PDGFC: variants seen among roughly 807,000 people sequenced by gnomAD.
PDGFC encodes the protein platelet derived growth factor C.
A neutral mutation model predicts 35.5 loss-of-function variants in PDGFC; 12 were observed. The observed-to-expected ratio is 0.34, with a 90% CI of 0.22 to 0.55. The LOEUF is 0.55. Ranked by LOEUF, PDGFC falls within the 20% of genes least tolerant of loss-of-function variation. The probability of loss-of-function intolerance (pLI) is 0.91; values close to 1 mark genes in which losing one functional copy is unlikely to be tolerated. For missense variants in PDGFC, 322 were observed against 412.4 expected (o/e 0.78, Z 1.90); for synonymous variants, 159 against 148.8 (o/e 1.07, Z -0.50).
chr4:156,844,570 C>T (rs1300799017), intron 2 of PDGFC, among the ~76,000 whole-genome samples: 1 of 151,860 alleles, frequency 6.6e-6, no homozygotes, highest in African/African-American at 2.4e-5. Context: ...CATACACAGA[C>T]ACACATACTA....
rs183403385 is a variant in PDGFC at position 156,850,657 on chromosome 4, T to G, written c.119-241A>C. Among the ~76,000 whole-genome samples, 191 of 152,252 alleles carry G rather than the reference T, an allele frequency of 1.3e-3. 2 individuals are homozygous for G. The highest frequency in any genetic ancestry group is 4.3e-3 in the African/African-American group (178 of 41,568). ...ATAGCAAATTACTCTTTTAAGGAAT[T>G]TAATTACTGAAACGTCAACTACAAA... is the stretch of plus-strand genomic sequence containing the variant. On this transcript the variant is annotated intron_variant, in intron 1 of 5. Coordinates refer to ENST00000502773, the MANE Select transcript of PDGFC (RefSeq NM_016205.3).
chr4:156,854,642 A>G lies in PDGFC; in HGVS notation c.119-4226T>C, dbSNP rs574740709. Among the ~76,000 whole-genome samples the G allele has an allele frequency of 1.3e-4, 20 of 152,238 alleles. No homozygotes were observed. The East Asian group carries it at 3.3e-3, about 25-fold the overall frequency. On this transcript the variant is annotated intron_variant, in intron 1 of 5. Transcript: ENST00000502773. ...AAGAAGAAAGAAAAAGAAGCAACAA[A>G]CATTAAGTTTACCAAATTAAGACAC...
chr4:156,772,243 T>C (rs1730710823), intron 4 of PDGFC, among the ~76,000 whole-genome samples: 1 of 152,174 alleles, frequency 6.6e-6, no homozygotes, highest in African/African-American at 2.4e-5. Context: ...CAAAGTCATA[T>C]AATACTGACC....
intron 1 of PDGFC, among the ~76,000 whole-genome samples, chr4:156,930,636 G>A (rs1731528495): frequency 6.6e-6 from 1 of 152,184 alleles, no homozygotes; most frequent in Non-Finnish European, 1.5e-5. Flanking sequence ...GGGAGGCCGA[G>A]GTGGGCAGAT....
chr4:156,970,764 G>A (rs1172020696), intron 1 of PDGFC, 22 bp downstream of exon 1: 2 of 1,393,336 alleles, frequency 1.4e-6, no homozygotes, highest in Non-Finnish European at 2.0e-6. Flanking sequence ...ACAAGCAGGG[G>A]GAGAATGGGG....
Position 156,840,281 on chromosome 4 carries a change from C to T in PDGFC, c.314+9940G>A, listed in dbSNP as rs192504233. Among the ~76,000 whole-genome samples the T allele has an allele frequency of 1.2e-3, 176 of 152,276 alleles. 2 individuals are homozygous for T. The highest frequency in any genetic ancestry group is 3.1e-4 in the Non-Finnish European group (21 of 68,022). ...CTGTGTGCAGCCTAGGGACTTAGTGCCCTGAATCCCAGCAGCTCCAGCCAT... is the reference window on the plus strand; with the variant it reads ...CTGTGTGCAGCCTAGGGACTTAGTGTCCTGAATCCCAGCAGCTCCAGCCAT... On this transcript the variant is annotated intron_variant, in intron 2 of 5. Coordinates refer to ENST00000502773, the MANE Select transcript of PDGFC (RefSeq NM_016205.3).
chr4:156,895,692 G>C (rs1283594211), intron 1 of PDGFC, among the ~76,000 whole-genome samples: 1 of 151,306 alleles, frequency 6.6e-6, no homozygotes, highest in African/African-American at 2.4e-5. Context: ...TCTACCTTTA[G>C]TCCTCAAAGA....
At chr4:156,870,478 T>C (rs1047976043) in intron 1 of PDGFC, among the ~76,000 whole-genome samples, 1 of 152,156 alleles carries the variant, frequency 6.6e-6, no homozygotes, top group African/African-American at 2.4e-5. Flanking sequence ...TATTATCTTC[T>C]ACTTCATAGA....
At chr4:156,776,516 A>C (rs1467860380) in intron 3 of PDGFC, among the ~76,000 whole-genome samples, 1 of 152,242 alleles carries the variant, frequency 6.6e-6, no homozygotes, top group Non-Finnish European at 1.5e-5. Context: ...TATCACCTGC[A>C]GGGCAGTAAT....
intron 1 of PDGFC, among the ~76,000 whole-genome samples, chr4:156,945,173 A>T (rs1462437501): frequency 6.6e-6 from 1 of 151,586 alleles, no homozygotes; most frequent in African/African-American, 2.4e-5. Flanking sequence ...AAACTCCAGG[A>T]GACCACAAGT....
intron 1 of PDGFC, among the ~76,000 whole-genome samples, chr4:156,947,434 A>G (rs1312545897): frequency 6.6e-6 from 1 of 152,058 alleles, no homozygotes; most frequent in Non-Finnish European, 1.5e-5. Flanking sequence ...AGTAGTTTTC[A>G]TTTGAAACAT....
intron 1 of PDGFC, among the ~76,000 whole-genome samples, chr4:156,930,782 C>T (rs111847817): frequency 1.3e-5 from 2 of 151,946 alleles, no homozygotes; most frequent in African/African-American, 2.4e-5. Flanking sequence ...GCAGGAGGGT[C>T]GCTTGAACCA....
chr4:156,852,517 T>C (rs898523537), intron 1 of PDGFC, among the ~76,000 whole-genome samples: 4 of 152,210 alleles, frequency 2.6e-5, no homozygotes, highest in Admixed American at 2.6e-4. Flanking sequence ...TTAAAGTCTG[T>C]ATCTTCTTTT....
intron 1 of PDGFC, among the ~76,000 whole-genome samples, chr4:156,931,175 C>G (rs955309187): frequency 6.6e-6 from 1 of 152,146 alleles, no homozygotes; most frequent in African/African-American, 2.4e-5. Context: ...CCTTCCAGAA[C>G]TTGAAACTGA....
intron 1 of PDGFC, among the ~76,000 whole-genome samples, chr4:156,945,147 C>T (rs1282051597): frequency 1.3e-5 from 2 of 151,242 alleles, no homozygotes; most frequent in Admixed American, 6.6e-5. Context: ...CTTTTTTCTC[C>T]CCTCAATAGA....
intron 1 of PDGFC, among the ~76,000 whole-genome samples, chr4:156,898,592 C>G (rs529053773): frequency 1.3e-5 from 2 of 152,116 alleles, no homozygotes; most frequent in East Asian, 1.9e-4. Context: ...TGTCCTCTTA[C>G]GCAACTTAAA....
chr4:156,826,151 C>T (rs1201505027), intron 2 of PDGFC, among the ~76,000 whole-genome samples: 1 of 142,166 alleles, frequency 7.0e-6, no homozygotes, highest in Non-Finnish European at 1.5e-5. Context: ...AGTCATGAGC[C>T]ACCATATCCA....
In PDGFC at chr4:156,767,819, T is replaced by C. The variant is rs767387050; in HGVS notation, c.875A>G (p.Asn292Ser). The change falls in exon 5 of 6, where the codon AAT (asparagine) becomes AGT (serine). Residue 292 changes from asparagine to serine, a missense_variant. By Grantham distance (46) the Asn-to-Ser change is conservative. This residue lies in a region of PDGFC where 202 missense variants were observed against 295.9 expected (regional missense o/e 0.68). Transcript: ENST00000502773. ...GNCACCLHNCNECQCVPSKVT... is the reference protein window; with the variant it reads ...GNCACCLHNCSECQCVPSKVT... ...TTTGCTTGGGACACATTGACATTCATTGCAATTGTGGAGACAACAGGCACA... is the reference window on the plus strand; with the variant it reads ...TTTGCTTGGGACACATTGACATTCACTGCAATTGTGGAGACAACAGGCACA... The C allele has an allele frequency of 5.0e-6, 8 of 1,613,372 alleles. No individual in the cohort carries two copies. The highest frequency in any genetic ancestry group is 6.8e-6 in the Non-Finnish European group (8 of 1,179,444).
At chr4:156,922,282 G>A (rs1214322467) in intron 1 of PDGFC, among the ~76,000 whole-genome samples, 2 of 151,796 alleles carry the variant, frequency 1.3e-5, no homozygotes, top group Non-Finnish European at 2.9e-5. Flanking sequence ...TACTGAATTG[G>A]GAAGGACAGA....
Sources: gnomAD v4.1 joint callset for allele counts (sites outside exome capture counted in the v4.1 genomes callset) on GRCh38, gnomAD v4.1.1 for gene constraint, gnomAD v4.1.1 regional missense constraint, MANE v1.5 for transcripts, NCBI Gene and HGNC (gene_info 2026-07-23, HGNC 2026-07-21) for gene names.